SV2C: variants seen among roughly 807,000 people sequenced by gnomAD.
SV2C encodes synaptic vesicle glycoprotein 2C.
In SV2C, 49 loss-of-function variants were observed where a neutral mutation model predicts 79.7. That is an observed-to-expected ratio of 0.61 (90% CI 0.49 to 0.78). SV2C has a LOEUF of 0.78. SV2C is among the 30% of genes least tolerant of loss of function. The pLI is 0.00. For missense variants in SV2C, 833 were observed against 912.9 expected, an observed-to-expected ratio of 0.91 and a Z score of 1.13; for synonymous variants, 334 against 333.2, an observed-to-expected ratio of 1.00 and a Z score of -0.03.
At chr5:75,984,709 G>A in the SV2C span, among the ~76,000 whole-genome samples, 1 of 151,990 alleles carries the variant, frequency 6.6e-6, no homozygotes, top group Non-Finnish European at 1.5e-5. Context: ...TGTGAGGACT[G>A]CATAGGCAAG....
chr5:76,342,179 C>A (rs1749454955), intron 12 of SV2C, among the ~76,000 whole-genome samples: 1 of 152,176 alleles, frequency 6.6e-6, no homozygotes, highest in South Asian at 2.1e-4. Flanking sequence ...CTTACCAACT[C>A]CTGCAGGCCG....
the SV2C span, among the ~76,000 whole-genome samples, chr5:75,937,772 C>T: frequency 6.6e-5 from 10 of 152,086 alleles, no homozygotes; most frequent in Admixed American, 3.3e-4. Context: ...CTAACTGCAA[C>T]AGCTAGGGTC....
chr5:76,092,035 G>A (rs1240160229), intron 1 of SV2C, among the ~76,000 whole-genome samples: 1 of 152,098 alleles, frequency 6.6e-6, no homozygotes, highest in Non-Finnish European at 1.5e-5. Flanking sequence ...TGAAGATGTT[G>A]TTAGTTAAAA....
chr5:76,040,445 C>T, the SV2C span, among the ~76,000 whole-genome samples: 16 of 152,154 alleles, frequency 1.1e-4, no homozygotes, highest in African/African-American at 3.6e-4. Context: ...CAGACAATGC[C>T]TTTGATACCA....
chr5:76,078,933 C>G (rs911880281), upstream of SV2C: 9 of 537,378 alleles, frequency 1.7e-5, no homozygotes, highest in Non-Finnish European at 3.3e-5. Flanking sequence ...AGATCGACAG[C>G]CTTTCAAACA....
intron 1 of SV2C, among the ~76,000 whole-genome samples, chr5:76,086,712 G>A (rs1341898908): frequency 2.6e-5 from 4 of 152,162 alleles, no homozygotes; most frequent in Non-Finnish European, 5.9e-5. Context: ...CTGCACAGTT[G>A]AGCAACCAGT....
the SV2C span, among the ~76,000 whole-genome samples, chr5:76,069,998 G>T: frequency 6.6e-6 from 1 of 152,080 alleles, no homozygotes. Flanking sequence ...CACCTGAGTT[G>T]TACTGTGTGC....
intron 12 of SV2C, among the ~76,000 whole-genome samples, chr5:76,308,702 G>A (rs565405284): frequency 5.3e-5 from 8 of 152,210 alleles, no homozygotes; most frequent in Middle Eastern, 3.4e-3. Flanking sequence ...GAAGGCAAAC[G>A]CAGGGAACTC....
rs1747120661 is a variant in SV2C, at chr5:76,279,567, T to C, written c.914-5595T>C. ...ATACAGAATGATTTAGAGAGTTTGA[T>C]TAGAGTGCAACCATTAAATATGACA... On this transcript the variant is annotated intron_variant, in intron 4 of 12. Coordinates refer to ENST00000502798, the MANE Select transcript of SV2C (RefSeq NM_014979.4). Among the ~76,000 whole-genome samples, 2 of 152,194 alleles carry C rather than the reference T, an allele frequency of 1.3e-5. 1 individual carries two copies. Among genetic ancestry groups the C allele is most frequent in the South Asian group, 4.1e-4 (2 of 4,830 alleles).
chr5:76,299,285 C>T (rs185649457), intron 10 of SV2C, among the ~76,000 whole-genome samples: 2 of 152,130 alleles, frequency 1.3e-5, no homozygotes, highest in South Asian at 2.1e-4. Context: ...CAGAGATAGA[C>T]AACATGTGGC....
chr5:76,131,684 G>GTGT lies in SV2C; in HGVS notation c.-67_-66insTGT. ...GAACCCAAAGTGGATGATGCTGTCA[G>GTGT]AGCTGAACCACTGAAAGGAGGCTGT... On this transcript the variant is annotated 5_prime_UTR_variant, in exon 2 of 13. It introduces an in-frame stop codon into an upstream open reading frame of the 5' UTR. Coordinates refer to ENST00000502798, the MANE Select transcript of SV2C (RefSeq NM_014979.4). 2.9e-6 allele frequency: 4 copies of GTGT among 1,402,876 alleles called. No individual in the cohort carries two copies. Among genetic ancestry groups the GTGT allele is most frequent in the South Asian group, 2.8e-5 (2 of 70,840 alleles). 86.9% of individuals were successfully genotyped at this position (1,402,876 alleles called of 1,614,324 possible). A position where few individuals can be genotyped will look rare whatever the true frequency, so the allele number is the denominator to read the frequency against.
intron 4 of SV2C, among the ~76,000 whole-genome samples, chr5:76,247,980 G>A (rs903001516): frequency 1.2e-4 from 18 of 152,180 alleles, no homozygotes; most frequent in Non-Finnish European, 8.8e-5. Flanking sequence ...AATAAGCAAG[G>A]CCGTAATGAA....
chr5:76,339,787 C>T (rs142941373), intron 12 of SV2C, among the ~76,000 whole-genome samples: 2 of 152,196 alleles, frequency 1.3e-5, no homozygotes, highest in East Asian at 3.9e-4. Flanking sequence ...GCTGAAGACA[C>T]AGGCCACATT....
intron 1 of SV2C, among the ~76,000 whole-genome samples, chr5:76,094,171 G>A (rs756544852): frequency 1.3e-5 from 2 of 151,656 alleles, no homozygotes; most frequent in Admixed American, 6.6e-5. Flanking sequence ...AAATGATTTT[G>A]TTTTATCAAT....
the SV2C span, among the ~76,000 whole-genome samples, chr5:75,933,171 C>CT: frequency 1.3e-5 from 2 of 152,146 alleles, no homozygotes; most frequent in African/African-American, 4.8e-5. Context: ...TCAGAGAAGC[C>CT]TTTCCTAACC....
chr5:76,131,306 G>A (rs1055100820), intron 1 of SV2C, among the ~76,000 whole-genome samples: 6 of 152,136 alleles, frequency 3.9e-5, no homozygotes, highest in African/African-American at 1.4e-4. Context: ...GTATATGCTT[G>A]TAGCATTTCA....
chr5:75,900,756 C>G, the SV2C span, among the ~76,000 whole-genome samples: 3 of 152,096 alleles, frequency 2.0e-5, no homozygotes, highest in African/African-American at 7.2e-5. Flanking sequence ...TCACATAGTC[C>G]CATATTTCTT....
chr5:75,910,578 T>A, the SV2C span: 2 of 697,030 alleles, frequency 2.9e-6, no homozygotes, highest in Non-Finnish European at 5.2e-6. Context: ...TTCAGTGAGA[T>A]TGAGGAGAGA....
the SV2C span, among the ~76,000 whole-genome samples, chr5:76,051,014 A>C: frequency 3.3e-5 from 5 of 152,224 alleles, no homozygotes; most frequent in Admixed American, 2.0e-4. Context: ...AGTTTTCAAA[A>C]TTAAAAATAC....
Sources: gnomAD v4.1 joint callset for allele counts (sites outside exome capture counted in the v4.1 genomes callset) on GRCh38, gnomAD v4.1.1 for gene constraint, MANE v1.5 for transcripts, NCBI Gene and HGNC (gene_info 2026-07-23, HGNC 2026-07-21) for gene names.